LCA5L: variants seen among roughly 807,000 people sequenced by gnomAD.
LCA5L encodes the protein lebercilin LCA5 like.
A neutral mutation model predicts 45.4 loss-of-function variants in LCA5L; 35 were observed. The ratio of observed to expected loss-of-function variants is 0.77; its 90% CI spans 0.59 to 1.02. LCA5L has a LOEUF of 1.02. Ranked by LOEUF, LCA5L falls within the 50% of genes least tolerant of loss-of-function variation. The pLI, the probability that LCA5L is intolerant of heterozygous loss-of-function variation, is 0.00. For synonymous variants in LCA5L, 233 were observed against 264.7 expected, an observed-to-expected ratio of 0.88 and a Z score of 1.16; for missense variants, 668 against 761.6, an observed-to-expected ratio of 0.88 and a Z score of 1.45.
chr21:39,406,755 A>G, intron 10 of LCA5L, 143 bp from the exon 11 acceptor site: 1 of 628,788 alleles, frequency 1.6e-6, no homozygotes. Flanking sequence ...TGCATAGACA[A>G]AAGATTACAG....
intron 5 of LCA5L, among the ~76,000 whole-genome samples, chr21:39,427,485 A>C (rs887477771): frequency 9.2e-5 from 14 of 151,932 alleles, no homozygotes; most frequent in Non-Finnish European, 2.1e-4. Flanking sequence ...ACACGGTGAA[A>C]CCCTGTCTCT....
Position 39,431,620 on chromosome 21 carries a change from C to T in LCA5L, c.-91-2409G>A, listed in dbSNP as rs895893624. 3.3e-5 allele frequency among the ~76,000 whole-genome samples: 5 copies of T among 151,986 alleles called. No homozygotes were observed. The East Asian group carries it at 9.6e-4, about 29-fold the overall frequency. On this transcript the variant is annotated intron_variant, in intron 3 of 10. Transcript: ENST00000288350. ...GCAACCTCTGCCTCCCGGGTTCAAG[C>T]GATTCTCCTGCCTCAGCCTCCCAAG...
intron 5 of LCA5L, chr21:39,427,662 CAAA>C (rs201955094): frequency 7.4e-5 from 7 of 94,746 alleles, no homozygotes; most frequent in Admixed American, 1.2e-4. Context: ...GACTCTGTCT[CAAA>C]AAAAAAAAAA....
intron 7 of LCA5L, among the ~76,000 whole-genome samples, chr21:39,418,733 C>G (rs1024072437): frequency 6.6e-6 from 1 of 152,194 alleles, no homozygotes; most frequent in Non-Finnish European, 1.5e-5. Flanking sequence ...CTCCCAACCT[C>G]AGGTGATCTG....
Position 39,420,801 on chromosome 21 carries a change from G to A in LCA5L, c.880C>T (p.Arg294Trp), listed in dbSNP as rs570554011. The A allele has an allele frequency of 4.3e-6, 7 of 1,612,948 alleles. No homozygotes were observed. In the South Asian group the frequency reaches 6.6e-5, roughly 15 times the overall value. Residue 294 changes from arginine to tryptophan, a missense_variant, in exon 7 of 11, where the codon CGG becomes TGG. Transcript: ENST00000288350. Reference protein sequence around the residue: ...QLRLNCRAFSRQLAIETRKTL... With the variant: ...QLRLNCRAFSWQLAIETRKTL... ...TTCCGAGTCTCAATAGCCAGCTGCC[G>A]GCTAAAGGCTCTGCAGTTCAACCTC...
chr21:39,407,813 T>C (rs761113715), intron 10 of LCA5L: 12 of 152,206 alleles, frequency 7.9e-5, no homozygotes, highest in Non-Finnish European at 1.3e-4. Flanking sequence ...ATTAGGACAA[T>C]GGACTGAAAA....
chr21:39,439,688 C>T (rs968973441), intron 2 of LCA5L: 10 of 152,108 alleles, frequency 6.6e-5, no homozygotes, highest in East Asian at 3.9e-4. Flanking sequence ...AGAAAACAGC[C>T]GACCCTCTCA....
At chr21:39,432,360 C>T (rs2075822935) in intron 3 of LCA5L, among the ~76,000 whole-genome samples, 1 of 152,104 alleles carries the variant, frequency 6.6e-6, no homozygotes, top group Non-Finnish European at 1.5e-5. Flanking sequence ...GATAATAACA[C>T]TTAAATGAAT....
At chr21:39,424,187 A>G (rs1055971421) in intron 5 of LCA5L, among the ~76,000 whole-genome samples, 1 of 151,764 alleles carries the variant, frequency 6.6e-6, no homozygotes, top group Admixed American at 6.6e-5. Flanking sequence ...TAATTTTTGT[A>G]TTTTTAGTAG....
chr21:39,406,283 G>T lies in LCA5L; in HGVS notation c.1612C>A (p.Pro538Thr). Residue 538 changes from proline to threonine, a missense_variant, in exon 11 of 11, where the codon CCT (proline) becomes ACT (threonine). Physicochemically the swap from Pro to Thr is conservative, Grantham distance 38. Transcript: ENST00000288350. ...EATENLHHGL[P>T]ASGGPANAGN... ...GCATTGGCTGGCCCCCCTGAAGCAG[G>T]AAGCCCATGATGCAGGTTTTCAGTT... is the stretch of plus-strand genomic sequence containing the variant. 1 of 1,614,210 alleles carries T rather than the reference G, an allele frequency of 6.2e-7. No individual in the cohort carries two copies. Among genetic ancestry groups the T allele is most frequent in the Non-Finnish European group, 8.5e-7 (1 of 1,180,040 alleles).
chr21:39,408,445 G>A (rs1365436047), intron 10 of LCA5L, among the ~76,000 whole-genome samples: 1 of 152,206 alleles, frequency 6.6e-6, no homozygotes, highest in African/African-American at 2.4e-5. Context: ...AGGAAATGAT[G>A]AAGGGCAATC....
intron 7 of LCA5L, among the ~76,000 whole-genome samples, chr21:39,417,524 A>G (rs552867403): frequency 1.2e-4 from 19 of 152,200 alleles, no homozygotes; most frequent in African/African-American, 4.3e-4. Flanking sequence ...ATATATTTCT[A>G]TTGCTTCCTT....
rs753315225 is a variant in LCA5L at position 39,432,919 on chromosome 21, C to CA, written c.-92+2500dup. On this transcript the variant is annotated intron_variant, in intron 3 of 10. Coordinates refer to ENST00000288350, the MANE Select transcript of LCA5L (RefSeq NM_152505.4). ...ATGTATAAACCATAATTTGTTTATT[C>CA]ATCTGTTCACAGACATTTCAGCTAT... 7.6e-4 allele frequency among the ~76,000 whole-genome samples: 116 copies of CA among 152,224 alleles called. 1 individual carries two copies. The highest frequency in any genetic ancestry group is 3.4e-3 in the Middle Eastern group (1 of 294).
chr21:39,434,344 A>G lies in LCA5L; in HGVS notation c.-92+1076T>C, dbSNP rs1313829435. Among the ~76,000 whole-genome samples, 3 of 152,226 alleles carry G rather than the reference A, an allele frequency of 2.0e-5. No individual in the cohort carries two copies. The East Asian group carries it at 5.8e-4, about 29-fold the overall frequency. ...CTGACCTGTTAAAAATTGACTGATG[A>G]CTAGTATCAGGCCTATAACTGTACT... On this transcript the variant is annotated intron_variant, in intron 3 of 10. Transcript: ENST00000288350.
chr21:39,413,078 T>C (rs1310522631), intron 7 of LCA5L, among the ~76,000 whole-genome samples: 1 of 152,214 alleles, frequency 6.6e-6, no homozygotes, highest in Non-Finnish European at 1.5e-5. Context: ...AGGATTTATT[T>C]GACCAGACTG....
chr21:39,440,849 A>T (rs2076767752), intron 2 of LCA5L, among the ~76,000 whole-genome samples: 1 of 152,230 alleles, frequency 6.6e-6, no homozygotes, highest in Non-Finnish European at 1.5e-5. Flanking sequence ...AAACTCTTTG[A>T]CAAAAATGTT....
intron 10 of LCA5L, chr21:39,408,517 C>T (rs2147117770): frequency 6.6e-6 from 1 of 152,474 alleles, no homozygotes; most frequent in Non-Finnish European, 1.5e-5. Flanking sequence ...TCCATTAGAC[C>T]TCCAGGTCCC....
chr21:39,418,768 G>C (rs1458129979), intron 7 of LCA5L, among the ~76,000 whole-genome samples: 1 of 152,134 alleles, frequency 6.6e-6, no homozygotes, highest in Middle Eastern at 3.2e-3. Context: ...CCAAAGTGCT[G>C]GGATTACAGG....
In LCA5L at chr21:39,420,936, C is replaced by G. The variant is rs976240966; in HGVS notation, c.838-93G>C. On this transcript the variant is annotated intron_variant, in intron 6 of 10. Coordinates refer to ENST00000288350, the MANE Select transcript of LCA5L (RefSeq NM_152505.4). ...GAACTAACTACATTTATGAAAAGTG[C>G]ACATTTTCAATACAATTTTAGTGAA... The G allele has an allele frequency of 4.7e-5, 45 of 951,094 alleles. No individual in the cohort carries two copies. The East Asian group carries it at 1.0e-3, about 22-fold the overall frequency. The allele number at this position is 951,094 out of a possible 1,614,324, so 58.9% of individuals were successfully genotyped here.
Sources: gnomAD v4.1 joint callset for allele counts (sites outside exome capture counted in the v4.1 genomes callset) on GRCh38, gnomAD v4.1.1 for gene constraint, MANE v1.5 for transcripts, NCBI Gene and HGNC (gene_info 2026-07-23, HGNC 2026-07-21) for gene names.